The following HTR4 variants were observed in gnomAD, a reference collection of about 807,000 sequenced individuals.
The protein encoded by HTR4 is 5-hydroxytryptamine receptor 4.
Under a neutral mutation model 36.8 loss-of-function variants are expected in HTR4, and 16 were observed. The observed-to-expected ratio is 0.43, with a 90% CI of 0.29 to 0.66. The LOEUF (loss-of-function observed/expected upper bound fraction) is 0.66, where lower values mean the gene tolerates loss of function less well. HTR4 is among the 30% of genes least tolerant of loss of function. The probability of loss-of-function intolerance (pLI) is 0.13; values close to 1 mark genes in which losing one functional copy is unlikely to be tolerated. For missense variants in HTR4, 438 were observed against 490.9 expected (o/e 0.89, Z 1.02); for synonymous variants, 189 against 185.1 (o/e 1.02, Z -0.17).
At chr5:148,516,535 G>T (rs143556865) in intron 5 of HTR4, among the ~76,000 whole-genome samples, 2,181 of 151,700 alleles carry the variant, frequency 0.014, 27 homozygotes, top group Middle Eastern at 0.048. Flanking sequence ...GGCCAGGCTG[G>T]TCTTGAACTC....
chr5:148,529,395 T>C (rs1020957852), intron 4 of HTR4, among the ~76,000 whole-genome samples: 2 of 152,080 alleles, frequency 1.3e-5, no homozygotes, highest in African/African-American at 4.8e-5. Context: ...GTCTTTCCCA[T>C]GTTGTTCTCA....
chr5:148,627,483 C>CT (rs1433085272), intron 2 of HTR4, among the ~76,000 whole-genome samples: 22 of 152,158 alleles, frequency 1.4e-4, no homozygotes, highest in African/African-American at 5.3e-4. Flanking sequence ...AGGCTAGAAA[C>CT]GTCAGTTACA....
intron 2 of HTR4, among the ~76,000 whole-genome samples, chr5:148,611,767 T>C (rs1209916247): frequency 1.3e-5 from 2 of 151,758 alleles, no homozygotes; most frequent in African/African-American, 4.8e-5. Context: ...ATCAGTGTGC[T>C]GTATTCAGGA....
In HTR4 at chr5:148,637,017, C is replaced by A; in HGVS notation, c.-3G>T. ...ACATTAGCATCAAGTTTGTCCATTA[C>A]AGGAAATAAGCATGAGTGAGTTGGA... On this transcript the variant is annotated 5_prime_UTR_variant, in exon 2 of 7. Coordinates refer to ENST00000377888, the MANE Select transcript of HTR4 (RefSeq NM_000870.7). 6.2e-7 allele frequency: 1 copy of A among 1,610,166 alleles called. No individual in the cohort carries two copies. The highest frequency in any genetic ancestry group is 8.5e-7 in the Non-Finnish European group (1 of 1,176,916).
rs1754125877 is a variant in HTR4 at position 148,654,175 on chromosome 5, C to A, written c.-161G>T. On this transcript the variant is annotated 5_prime_UTR_variant, in exon 1 of 7. Coordinates refer to ENST00000377888, the MANE Select transcript of HTR4 (RefSeq NM_000870.7). ...CCGCTGCGCTCCCAGCCGCTGCCTGCGCCCTCCCTGCCGCCCCCTCGGGTG... is the reference window on the plus strand; with the variant it reads ...CCGCTGCGCTCCCAGCCGCTGCCTGAGCCCTCCCTGCCGCCCCCTCGGGTG... The A allele has an allele frequency of 1.0e-6, 1 of 985,594 alleles. No individual in the cohort carries two copies. Among genetic ancestry groups the A allele is most frequent in the East Asian group, 1.1e-4 (1 of 8,800 alleles). The allele number at this position is 985,594 out of a possible 1,614,324, so 61.1% of individuals were successfully genotyped here.
At chr5:148,554,834 G>C (rs988682495) in intron 2 of HTR4, among the ~76,000 whole-genome samples, 8 of 151,962 alleles carry the variant, frequency 5.3e-5, no homozygotes, top group Non-Finnish European at 1.0e-4. Flanking sequence ...AGTGTCTGTT[G>C]TTCCCTTCTT....
At chr5:148,532,414 A>T (rs1778351246) in intron 4 of HTR4, among the ~76,000 whole-genome samples, 1 of 152,240 alleles carries the variant, frequency 6.6e-6, no homozygotes, top group East Asian at 1.9e-4. Flanking sequence ...GGATACTGAC[A>T]AACTGGATTT....
chr5:148,590,319 A>G (rs1357477568), intron 2 of HTR4, among the ~76,000 whole-genome samples: 7 of 43,574 alleles, frequency 1.6e-4, no homozygotes, highest in African/African-American at 6.8e-4. Flanking sequence ...TTTTTTTGAG[A>G]CAGAGTTTTG....
At chr5:148,559,439 C>A (rs1057169218) in intron 2 of HTR4, among the ~76,000 whole-genome samples, 8 of 152,126 alleles carry the variant, frequency 5.3e-5, no homozygotes, top group African/African-American at 1.9e-4. Context: ...TTTTCAAATA[C>A]TTCTTTATTT....
intron 2 of HTR4, among the ~76,000 whole-genome samples, chr5:148,591,612 T>A (rs1318754675): frequency 6.6e-6 from 1 of 152,048 alleles, no homozygotes; most frequent in Non-Finnish European, 1.5e-5. Context: ...TGGGATTGCC[T>A]TTATCGCCTC....
intron 2 of HTR4, among the ~76,000 whole-genome samples, chr5:148,590,819 G>A (rs1761535421): frequency 6.6e-6 from 1 of 151,416 alleles, no homozygotes; most frequent in African/African-American, 2.4e-5. Context: ...TTCCTGTGAA[G>A]AAACTCAAGT....
At chr5:148,502,344 C>T (rs374282713) in intron 6 of HTR4, among the ~76,000 whole-genome samples, 201 of 152,302 alleles carry the variant, frequency 1.3e-3, no homozygotes, top group African/African-American at 4.7e-3. Context: ...TTCAGCAATA[C>T]TCGCTATTCT....
intron 4 of HTR4, among the ~76,000 whole-genome samples, chr5:148,543,374 T>C (rs1759216015): frequency 6.6e-6 from 1 of 152,188 alleles, no homozygotes; most frequent in African/African-American, 2.4e-5. Flanking sequence ...GTTCAAATCC[T>C]TGTAGAGAGC....
chr5:148,485,565 C>G (rs79483973), intron 6 of HTR4, among the ~76,000 whole-genome samples: 1 of 152,142 alleles, frequency 6.6e-6, no homozygotes, highest in African/African-American at 2.4e-5. Context: ...CCATTTATTG[C>G]AACACAATAT....
chr5:148,523,946 C>G (rs980853410), intron 4 of HTR4, among the ~76,000 whole-genome samples: 1 of 152,038 alleles, frequency 6.6e-6, no homozygotes, highest in Non-Finnish European at 1.5e-5. Context: ...CAGATTTGTC[C>G]CCTTACCCTT....
In HTR4 at chr5:148,509,892, G is replaced by A. The variant is rs202212627; in HGVS notation, c.640C>T (p.Arg214Cys). The A allele has an allele frequency of 9.6e-5, 155 of 1,613,818 alleles. No homozygotes were observed. Among genetic ancestry groups the A allele is most frequent in the African/African-American group, 1.2e-4 (9 of 74,882 alleles). ...PFLLMVLAYY[R>C]IYVTAKEHAH... ...TGCTCCTTAGCTGTGACATAGATGC[G>A]GTAATAGGCCAGCACCATGAGGAGA... Residue 214 changes from arginine (R) to cysteine (C), a missense_variant, in exon 6 of 7, where the codon CGC (arginine) becomes TGC (cysteine). By Grantham distance (180) the Arg-to-Cys change is radical. Coordinates refer to ENST00000377888, the MANE Select transcript of HTR4 (RefSeq NM_000870.7).
At chr5:148,492,270 T>C (rs1756490002) in intron 6 of HTR4, among the ~76,000 whole-genome samples, 1 of 152,232 alleles carries the variant, frequency 6.6e-6, no homozygotes, top group South Asian at 2.1e-4. Context: ...TAGTATATTT[T>C]ATGTTGGGTC....
At chr5:148,504,110 C>T (rs532016822) in intron 6 of HTR4, among the ~76,000 whole-genome samples, 53 of 152,266 alleles carry the variant, frequency 3.5e-4, no homozygotes, top group African/African-American at 1.2e-3. Context: ...ACAAGGATAT[C>T]CAAGAATTAA....
At chr5:148,607,985 C>T (rs577082459) in intron 2 of HTR4, among the ~76,000 whole-genome samples, 7 of 152,182 alleles carry the variant, frequency 4.6e-5, no homozygotes, top group Non-Finnish European at 7.4e-5. Context: ...TACTGGAGGG[C>T]GACGGCTAAG....
Sources: gnomAD v4.1 joint callset for allele counts (sites outside exome capture counted in the v4.1 genomes callset) on GRCh38, gnomAD v4.1.1 for gene constraint, MANE v1.5 for transcripts, NCBI Gene and HGNC (gene_info 2026-07-23, HGNC 2026-07-21) for gene names.